Variants in C11orf71 observed in about 807,000 individuals in gnomAD.
The protein encoded by C11orf71 is chromosome 11 open reading frame 71, also known as uncharacterized protein C11orf71.
For missense variants in C11orf71, 179 were observed against 167.6 expected, an observed-to-expected ratio of 1.07 and a Z score of -0.38; for synonymous variants, 72 against 73.4, an observed-to-expected ratio of 0.98 and a Z score of 0.09.
downstream of C11orf71, among the ~76,000 whole-genome samples, chr11:114,394,108 T>C (rs1946093421): frequency 6.6e-6 from 1 of 151,750 alleles, no homozygotes; most frequent in Admixed American, 6.6e-5. Flanking sequence ...GCCTCCCAAG[T>C]AGCTGGGACT....
In C11orf71 at chr11:114,400,061, G is replaced by T; in HGVS notation, c.271C>A (p.Pro91Thr). Residue 91 changes from proline to threonine, a missense_variant, in exon 1 of 1, where the codon CCT (proline) becomes ACT (threonine). Physicochemically the swap from Pro to Thr is conservative, Grantham distance 38. Transcript: ENST00000623205. ...GGTTCAACGGCAGGGATTGGGTAAGGTGAGAATCTGGCTTGGCGGCTCCGG... is the reference window on the plus strand; with the variant it reads ...GGTTCAACGGCAGGGATTGGGTAAGTTGAGAATCTGGCTTGGCGGCTCCGG... Reference protein sequence around the residue: ...RGRSRQARFSPYPIPAVEPDL... With the variant: ...RGRSRQARFSTYPIPAVEPDL... The T allele has an allele frequency of 6.2e-7, 1 of 1,614,062 alleles. No homozygotes were observed. Among genetic ancestry groups the T allele is most frequent in the Non-Finnish European group, 8.5e-7 (1 of 1,179,898 alleles).
In C11orf71 at chr11:114,398,653, A is replaced by C. The variant is rs1946146815; in HGVS notation, c.*1307T>G. ...CCTAGCACACTGACTTGCACATAGC[A>C]CTCAATAAAAGGTAGCTATTACTAT... On this transcript the variant is annotated 3_prime_UTR_variant, in exon 1 of 1. Transcript: ENST00000623205. The C allele has an allele frequency of 6.6e-6, 1 of 152,194 alleles. No individual in the cohort carries two copies. Among genetic ancestry groups the C allele is most frequent in the Admixed American group, 6.5e-5 (1 of 15,282 alleles). The allele number at this position is 152,194 out of a possible 1,614,324, so 9.4% of individuals were successfully genotyped here.
intron 1 of C11orf71, among the ~76,000 whole-genome samples, chr11:114,393,342 T>C (rs1428759828): frequency 6.6e-6 from 1 of 152,220 alleles, no homozygotes; most frequent in Non-Finnish European, 1.5e-5. Context: ...TGGACATAAG[T>C]GCAAAGAATA....
rs986817061 is a variant in C11orf71, at chr11:114,399,784, TAAATCA to T, written c.*170_*175del. ...ATCGTTCTGGCTGCATAAAACCACC[TAAATCA>T]ATCAACTGTTACACTTCCCTTAGTG... On this transcript the variant is annotated 3_prime_UTR_variant, in exon 1 of 1. Transcript: ENST00000623205. 2 of 990,064 alleles carry T rather than the reference TAAATCA, an allele frequency of 2.0e-6. No individual in the cohort carries two copies. Among genetic ancestry groups the T allele is most frequent in the African/African-American group, 1.6e-5 (1 of 61,130 alleles). The allele number at this position is 990,064 out of a possible 1,614,324, so 61.3% of individuals were successfully genotyped here.
At position 114,400,301 on chromosome 11, in the gene C11orf71, CGGAGGACAGGGACACATTGTTCAG is replaced by C; in HGVS notation, c.7_30del (p.Leu3_Ser10del). The C allele has an allele frequency of 6.2e-7, 1 of 1,609,708 alleles. No homozygotes were observed. The highest frequency in any genetic ancestry group is 1.7e-4 in the Middle Eastern group (1 of 6,060). On this transcript the variant is annotated inframe_deletion, in exon 1 of 1. Coordinates refer to ENST00000623205, the MANE Select transcript of C11orf71 (RefSeq NM_001271562.2). ...TAGGCCACCCTGCTCCTCTGATCAC[CGGAGGACAGGGACACATTGTTCAG>C]GGCCATATTCAAACACTGCCCGCAG...
At chr11:114,393,915 C>G (rs1270470001), downstream of C11orf71, among the ~76,000 whole-genome samples, 1 of 152,214 alleles carries the variant, frequency 6.6e-6, no homozygotes, top group Non-Finnish European at 1.5e-5. Context: ...CAATCCCTGT[C>G]ATAGCATGAT....
At chr11:114,393,137 C>T (rs1813911527) in intron 1 of C11orf71, among the ~76,000 whole-genome samples, 1 of 152,204 alleles carries the variant, frequency 6.6e-6, no homozygotes, top group African/African-American at 2.4e-5. Context: ...ACAGCTCTTA[C>T]ATGCCACACT....
downstream of C11orf71, among the ~76,000 whole-genome samples, chr11:114,396,160 A>C (rs530106180): frequency 1.3e-5 from 2 of 152,374 alleles, no homozygotes; most frequent in South Asian, 4.1e-4. Context: ...GAGCTTTTTA[A>C]GTAAGGCATT....
At chr11:114,396,862 T>G (rs73554016), downstream of C11orf71, among the ~76,000 whole-genome samples, 280 of 152,312 alleles carry the variant, frequency 1.8e-3, no homozygotes, top group African/African-American at 6.5e-3. Flanking sequence ...TATTGGACTT[T>G]TCACCCTCCT....
intron 1 of C11orf71, among the ~76,000 whole-genome samples, chr11:114,392,529 C>CAAAAAAAA (rs386374967): frequency 8.0e-4 from 41 of 51,534 alleles, no homozygotes; most frequent in East Asian, 2.9e-3. Flanking sequence ...TAGAATGAGA[C>CAAAAAAAA]AAAAAAAAAA....
intron 1 of C11orf71, among the ~76,000 whole-genome samples, chr11:114,393,442 A>G (rs926687489): frequency 6.6e-6 from 1 of 152,252 alleles, no homozygotes; most frequent in Admixed American, 6.5e-5. Context: ...TGACAGGCTA[A>G]AAGGCAAATA....
chr11:114,398,259 T>C (rs1288045498), downstream of C11orf71, among the ~76,000 whole-genome samples: 1 of 152,204 alleles, frequency 6.6e-6, no homozygotes, highest in East Asian at 1.9e-4. Flanking sequence ...CATTGTATAT[T>C]ACAAACTAAC....
downstream of C11orf71, among the ~76,000 whole-genome samples, chr11:114,394,218 CTTTTCTTTTCTTTCT>C (rs1471384038): frequency 1.6e-4 from 9 of 55,464 alleles, no homozygotes; most frequent in Non-Finnish European, 2.1e-4. Context: ...CTTTTCTTTT[CTTTTCTTTTCTTTCT>C]TTTCTTTTCT....
chr11:114,392,548 A>AAAAAAAAAAAAAAAG (rs1461395379), intron 1 of C11orf71, among the ~76,000 whole-genome samples: 1 of 124,848 alleles, frequency 8.0e-6, no homozygotes, highest in Admixed American at 9.0e-5. Context: ...AAAAAAAAAA[A>AAAAAAAAAAAAAAAG]AAGAAGAAGA....
chr11:114,399,743 C>T lies in C11orf71; in HGVS notation c.*217G>A. The T allele has an allele frequency of 4.2e-6, 3 of 711,406 alleles. No homozygotes were observed. Among genetic ancestry groups the T allele is most frequent in the Non-Finnish European group, 6.6e-6 (3 of 457,238 alleles). The allele number at this position is 711,406 out of a possible 1,614,324, so 44.1% of individuals were successfully genotyped here. A position where few individuals can be genotyped will look rare whatever the true frequency, so the allele number is the denominator to read the frequency against. On this transcript the variant is annotated 3_prime_UTR_variant, in exon 1 of 1. Transcript: ENST00000623205. ...TGACGACCTAAGAATATCCCTTCCA[C>T]ACCTTTCCTGATCCAATCGTTCTGG...
At position 114,398,623 on chromosome 11, in the gene C11orf71, G is replaced by A. The variant is rs766783; in HGVS notation, c.*1337C>T. On this transcript the variant is annotated 3_prime_UTR_variant, in exon 1 of 1. Transcript: ENST00000623205. ...TCAATAAATATCTCTATAAACAATAGAAGTCCTAGCACACTGACTTGCACA... is the reference window on the plus strand; with the variant it reads ...TCAATAAATATCTCTATAAACAATAAAAGTCCTAGCACACTGACTTGCACA... The A allele has an allele frequency of 0.38, 57,977 of 151,990 alleles. 11,348 individuals are homozygous for A. Among genetic ancestry groups the A allele is most frequent in the South Asian group, 0.51 (2,462 of 4,822 alleles). 9.4% of individuals were successfully genotyped at this position (151,990 alleles called of 1,614,324 possible). A position where few individuals can be genotyped will look rare whatever the true frequency, so the allele number is the denominator to read the frequency against.
At chr11:114,394,294 T>TTCTC (rs1946112528), downstream of C11orf71, among the ~76,000 whole-genome samples, 1 of 41,774 alleles carries the variant, frequency 2.4e-5, no homozygotes, top group African/African-American at 1.5e-4. Flanking sequence ...TTTCTCTTAT[T>TTCTC]TTCTTTTCTT....
intron 1 of C11orf71, chr11:114,391,776 C>CA (rs1946074725): frequency 2.0e-6 from 1 of 490,278 alleles, no homozygotes; most frequent in Non-Finnish European, 3.7e-6. Flanking sequence ...CATGTGCTGA[C>CA]AAAATTCAGT....
Position 114,400,055 on chromosome 11 carries a change from G to T in C11orf71, c.277C>A (p.Pro93Thr). Reference sequence around the variant, plus strand: ...AGATCGGGTTCAACGGCAGGGATTGGGTAAGGTGAGAATCTGGCTTGGCGG... The same window carrying T: ...AGATCGGGTTCAACGGCAGGGATTGTGTAAGGTGAGAATCTGGCTTGGCGG... ...RSRQARFSPY[P>T]IPAVEPDLLR... The change falls in exon 1 of 1, where the codon CCA becomes ACA. Residue 93 changes from proline to threonine, a missense_variant. By Grantham distance (38) the Pro-to-Thr change is conservative. Transcript: ENST00000623205. 6.2e-7 allele frequency: 1 copy of T among 1,614,078 alleles called. No individual in the cohort carries two copies.
Sources: gnomAD v4.1 joint callset for allele counts (sites outside exome capture counted in the v4.1 genomes callset) on GRCh38, gnomAD v4.1.1 for gene constraint, MANE v1.5 for transcripts, NCBI Gene and HGNC (gene_info 2026-07-23, HGNC 2026-07-21) for gene names.